The following ECPAS variants were observed in gnomAD, a reference collection of about 807,000 sequenced individuals.
ECPAS encodes proteasome adapter and scaffold protein ECM29.
ECPAS carries 70 observed loss-of-function variants against 255.1 expected under a neutral mutation model. The ratio of observed to expected loss-of-function variants is 0.27; its 90% CI spans 0.23 to 0.33. The LOEUF is 0.33. Among genes scored for constraint, ECPAS ranks in the 10% least tolerant of loss-of-function variants. The pLI, the probability that ECPAS is intolerant of heterozygous loss-of-function variation, is 1.00. For missense variants in ECPAS, 1,817 were observed against 2,206.4 expected (o/e 0.82, Z 3.54); for synonymous variants, 784 against 775.0 (o/e 1.01, Z -0.19).
At chr9:111,371,874 T>C in intron 42 of ECPAS, 45 bp from the exon 43 acceptor site, 1 of 1,505,220 alleles carries the variant, frequency 6.6e-7, no homozygotes, top group South Asian at 1.2e-5. Context: ...CAAGAAAAAT[T>C]AACTGATTTT....
intron 1 of ECPAS, among the ~76,000 whole-genome samples, chr9:111,476,000 A>ATCC (rs1564571087): frequency 6.6e-6 from 1 of 152,104 alleles, no homozygotes; most frequent in Non-Finnish European, 1.5e-5. Context: ...CCCAAATCTC[A>ATCC]TCCTCTAAAA....
intron 12 of ECPAS, 24 bp downstream of exon 12, chr9:111,425,392 TAA>T: frequency 7.0e-7 from 1 of 1,432,108 alleles, no homozygotes; most frequent in South Asian, 1.3e-5. Context: ...AAAATGTTGA[TAA>T]AATTTAAAAG....
At chr9:111,372,004 T>G (rs905573481) in intron 42 of ECPAS, among the ~76,000 whole-genome samples, 175 bp from the exon 43 acceptor site, 2 of 152,214 alleles carry the variant, frequency 1.3e-5, no homozygotes, top group Non-Finnish European at 2.9e-5. Flanking sequence ...ATTCTCACAA[T>G]AGTAGAACTT....
chr9:111,413,574 C>T (rs949846542), intron 20 of ECPAS, among the ~76,000 whole-genome samples: 2 of 150,666 alleles, frequency 1.3e-5, no homozygotes, highest in Non-Finnish European at 2.9e-5. Flanking sequence ...GAGATGGTTA[C>T]GGAAAGGAGA....
chr9:111,402,172 G>A (rs7849157), intron 24 of ECPAS, among the ~76,000 whole-genome samples: 66,839 of 152,016 alleles, frequency 0.44, 14,891 homozygotes, highest in Non-Finnish European at 0.48. Flanking sequence ...TTGGGAACTG[G>A]TAAGTGTTCA....
chr9:111,478,822 T>G (rs1038350223), intron 1 of ECPAS, among the ~76,000 whole-genome samples: 2 of 152,264 alleles, frequency 1.3e-5, no homozygotes, highest in Non-Finnish European at 2.9e-5. Flanking sequence ...CTTATCTGTT[T>G]ACACATATTC....
intron 2 of ECPAS, among the ~76,000 whole-genome samples, chr9:111,467,006 G>A (rs954917803): frequency 1.3e-5 from 2 of 151,932 alleles, no homozygotes; most frequent in Non-Finnish European, 2.9e-5. Context: ...CCTCCTACCC[G>A]CATAAAAAGA....
intron 24 of ECPAS, among the ~76,000 whole-genome samples, chr9:111,399,926 G>A (rs190030077): frequency 2.0e-5 from 3 of 152,358 alleles, no homozygotes; most frequent in Non-Finnish European, 4.4e-5. Flanking sequence ...ACAGGCCTTG[G>A]GTGAGCCCTG....
chr9:111,457,969 G>C (rs1053976029), intron 2 of ECPAS, among the ~76,000 whole-genome samples: 4 of 152,108 alleles, frequency 2.6e-5, no homozygotes, highest in Non-Finnish European at 5.9e-5. Context: ...CAACTAAGGA[G>C]AATTTCTGCT....
At chr9:111,431,188 T>C (rs1271312403) in intron 8 of ECPAS, among the ~76,000 whole-genome samples, 1 of 152,246 alleles carries the variant, frequency 6.6e-6, no homozygotes, top group African/African-American at 2.4e-5. Flanking sequence ...GTTTTAATTC[T>C]GCAGAGTAGT....
chr9:111,399,440 G>A (rs1356761238), intron 24 of ECPAS, among the ~76,000 whole-genome samples: 5 of 152,202 alleles, frequency 3.3e-5, no homozygotes, highest in Admixed American at 2.6e-4. Context: ...CTTGGGTGAA[G>A]CAGAGCAAAA....
At chr9:111,405,392 T>C (rs2098182513) in intron 24 of ECPAS, among the ~76,000 whole-genome samples, 1 of 149,710 alleles carries the variant, frequency 6.7e-6, no homozygotes, top group Admixed American at 6.6e-5. Flanking sequence ...CCCCTTTGTC[T>C]CACCATATCA....
chr9:111,379,807 C>T (rs1434265124), intron 35 of ECPAS, among the ~76,000 whole-genome samples: 1 of 152,162 alleles, frequency 6.6e-6, no homozygotes, highest in Non-Finnish European at 1.5e-5. Context: ...CTTTGCTCAT[C>T]GATAAGAAGC....
At chr9:111,372,330 G>C (rs1006779759) in intron 42 of ECPAS, 99 bp downstream of exon 42, 1 of 1,131,010 alleles carries the variant, frequency 8.8e-7, no homozygotes, top group Admixed American at 2.0e-5. Context: ...TAAGGTCCTG[G>C]GAAAGTAACT....
chr9:111,423,109 G>C lies in ECPAS; in HGVS notation c.1265+90C>G, dbSNP rs566270536. ...TAAATACATTCCCTTTCAGAATCAC[G>C]ACAAATTTATTCTCCGCCATTATTA... is the stretch of plus-strand genomic sequence containing the variant. On this transcript the variant is annotated intron_variant, in intron 13 of 49. Transcript: ENST00000684092. The C allele has an allele frequency of 1.4e-5, 13 of 903,030 alleles. No homozygotes were observed. The African/African-American group carries it at 2.2e-4, about 15-fold the overall frequency. The allele number at this position is 903,030 out of a possible 1,614,324, so 55.9% of individuals were successfully genotyped here.
At chr9:111,480,292 CT>C (rs398011866) in intron 1 of ECPAS, among the ~76,000 whole-genome samples, 14,225 of 64,214 alleles carry the variant, frequency 0.22, 427 homozygotes, top group Middle Eastern at 0.35. Flanking sequence ...AGCACCTTTT[CT>C]TTTTTTTTTT....
intron 12 of ECPAS, among the ~76,000 whole-genome samples, chr9:111,424,677 A>T (rs970439543): frequency 3.9e-5 from 6 of 152,234 alleles, no homozygotes; most frequent in Admixed American, 3.9e-4. Context: ...GAATCATTAA[A>T]ATCTCAGCCC....
chr9:111,408,551 T>C lies in ECPAS; in HGVS notation c.2652+20A>G, dbSNP rs898987852. 1 of 1,348,926 alleles carries C rather than the reference T, an allele frequency of 7.4e-7. No individual in the cohort carries two copies. The highest frequency in any genetic ancestry group is 2.6e-5 in the East Asian group (1 of 38,888). 83.6% of individuals were successfully genotyped at this position (1,348,926 alleles called of 1,614,324 possible). On this transcript the variant is annotated intron_variant, in intron 24 of 49. Transcript: ENST00000684092. ...TGCCTTTTCTCTGAATAACTAACAATCAGGTAGCAATATAAATACCTCCAC... is the reference window on the plus strand; with the variant it reads ...TGCCTTTTCTCTGAATAACTAACAACCAGGTAGCAATATAAATACCTCCAC...
intron 39 of ECPAS, among the ~76,000 whole-genome samples, chr9:111,373,726 G>A (rs922446413): frequency 4.6e-5 from 7 of 152,120 alleles, no homozygotes; most frequent in African/African-American, 1.4e-4. Flanking sequence ...GTGGAAAAGA[G>A]GATACTTTTA....
Sources: allele counts gnomAD v4.1 joint callset (sites outside exome capture counted in the v4.1 genomes callset), GRCh38; gene constraint gnomAD v4.1.1; transcripts MANE v1.5; gene names NCBI Gene and HGNC (gene_info 2026-07-23, HGNC 2026-07-21).